HS1BP3: variants seen among roughly 807,000 people sequenced by gnomAD.
HS1BP3 encodes the protein HCLS1 binding protein 3.
HS1BP3 carries 32 observed loss-of-function variants against 33.5 expected under a neutral mutation model. The ratio of observed to expected loss-of-function variants is 0.95; its 90% confidence interval spans 0.72 to 1.28. The LOEUF (loss-of-function observed/expected upper bound fraction) is 1.28. Ranked by LOEUF, HS1BP3 falls within the 50% of genes most tolerant of loss-of-function variation. The probability of loss-of-function intolerance (pLI) is 0.00; values close to 1 mark genes in which losing one functional copy is unlikely to be tolerated. For missense variants in HS1BP3, 486 were observed against 502.3 expected (o/e 0.97, Z 0.31); for synonymous variants, 187 against 209.2 (o/e 0.89, Z 0.92).
chr2:20,644,522 C>T (rs182001251), intron 2 of HS1BP3, among the ~76,000 whole-genome samples: 1 of 152,214 alleles, frequency 6.6e-6, no homozygotes, highest in African/African-American at 2.4e-5. Flanking sequence ...CCACATGCCC[C>T]CTAGGTCTGC....
chr2:20,631,335 G>A (rs571574193), intron 4 of HS1BP3, among the ~76,000 whole-genome samples: 1 of 151,900 alleles, frequency 6.6e-6, no homozygotes, highest in African/African-American at 2.4e-5. Context: ...GCAACATAGT[G>A]AAACCTCATC....
chr2:20,578,518 C>T (rs574739488), intron 5 of HS1BP3, among the ~76,000 whole-genome samples: 1 of 152,344 alleles, frequency 6.6e-6, no homozygotes, highest in Admixed American at 6.5e-5. Flanking sequence ...CAGGCAGCCC[C>T]ACACACCACC....
chr2:20,627,653 G>A (rs1202159965), intron 4 of HS1BP3, among the ~76,000 whole-genome samples: 3 of 152,130 alleles, frequency 2.0e-5, no homozygotes, highest in Admixed American at 6.5e-5. Context: ...TACAGCACAC[G>A]CGGGCGGCTC....
chr2:20,583,857 T>A (rs1693618611), intron 5 of HS1BP3, among the ~76,000 whole-genome samples: 1 of 152,152 alleles, frequency 6.6e-6, no homozygotes, highest in Non-Finnish European at 1.5e-5. Context: ...TGAGATCACC[T>A]GGAAGGAAGG....
intron 3 of HS1BP3, among the ~76,000 whole-genome samples, chr2:20,596,760 TTCC>T (rs1288533046): frequency 6.6e-6 from 1 of 152,214 alleles, no homozygotes; most frequent in Non-Finnish European, 1.5e-5. Context: ...CATCACAGCC[TTCC>T]TCCTGCTGTG....
At chr2:20,565,654 G>C (rs945221066) in intron 5 of HS1BP3, among the ~76,000 whole-genome samples, 1 of 152,242 alleles carries the variant, frequency 6.6e-6, no homozygotes, top group East Asian at 1.9e-4. Flanking sequence ...ACTAGGGTAC[G>C]TCTAATAACA....
intron 4 of HS1BP3, among the ~76,000 whole-genome samples, chr2:20,626,711 CCTCCTCTGCTGTGCA>C (rs1694797280): frequency 1.3e-5 from 2 of 152,130 alleles, no homozygotes; most frequent in African/African-American, 4.8e-5. Context: ...CCATGAGGGA[CCTCCTCTGCTGTGCA>C]CCACCCTCAG....
intron 5 of HS1BP3, among the ~76,000 whole-genome samples, chr2:20,577,307 C>A (rs1693424126): frequency 6.6e-6 from 1 of 152,024 alleles, no homozygotes; most frequent in Non-Finnish European, 1.5e-5. Flanking sequence ...AGGTTCAGTC[C>A]CAGCCCAAAC....
chr2:20,559,891 T>G (rs10174763), downstream of HS1BP3, among the ~76,000 whole-genome samples: 7,147 of 152,280 alleles, frequency 0.047, 567 homozygotes, highest in African/African-American at 0.16. Flanking sequence ...ACTTGCGATT[T>G]TTATGCTGTG....
chr2:20,635,757 A>G (rs1695105310), intron 4 of HS1BP3: 1 of 152,296 alleles, frequency 6.6e-6, no homozygotes, highest in Non-Finnish European at 1.5e-5. Context: ...GGACGGGGTC[A>G]GAAGAGAGCC....
chr2:20,567,574 G>A (rs1012366913), intron 5 of HS1BP3, among the ~76,000 whole-genome samples: 1 of 152,200 alleles, frequency 6.6e-6, no homozygotes, highest in African/African-American at 2.4e-5. Context: ...CTTCCTCACT[G>A]GCATAAAGAC....
chr2:20,628,115 T>C (rs1004939698), intron 4 of HS1BP3, among the ~76,000 whole-genome samples: 2 of 152,206 alleles, frequency 1.3e-5, no homozygotes, highest in African/African-American at 4.8e-5. Context: ...CCACTGGGCT[T>C]GCCACCAGGC....
chr2:20,620,433 C>T (rs921428842), intron 6 of HS1BP3, among the ~76,000 whole-genome samples: 23 of 152,316 alleles, frequency 1.5e-4, no homozygotes, highest in Admixed American at 7.8e-4. Context: ...GGCATCTCTA[C>T]GTCTATCGCT....
At chr2:20,566,400 G>A (rs1693128916) in intron 5 of HS1BP3, among the ~76,000 whole-genome samples, 1 of 152,208 alleles carries the variant, frequency 6.6e-6, no homozygotes, top group African/African-American at 2.4e-5. Context: ...TTCTGCCCCA[G>A]TGGCCTGAGC....
intron 6 of HS1BP3, among the ~76,000 whole-genome samples, chr2:20,619,796 C>T (rs1196721117): frequency 6.6e-6 from 1 of 152,246 alleles, no homozygotes; most frequent in Non-Finnish European, 1.5e-5. Flanking sequence ...CCCTTAGAAG[C>T]TGAGCCCTCA....
intron 5 of HS1BP3, among the ~76,000 whole-genome samples, chr2:20,564,977 G>A (rs1160150144): frequency 2.0e-5 from 3 of 152,206 alleles, no homozygotes; most frequent in Non-Finnish European, 4.4e-5. Context: ...TCGTGCTGCA[G>A]GCTCTGCCCT....
intron 5 of HS1BP3, among the ~76,000 whole-genome samples, chr2:20,563,400 A>T (rs1406791050): frequency 6.6e-6 from 1 of 151,588 alleles, no homozygotes; most frequent in Admixed American, 6.6e-5. Flanking sequence ...GGGAGGAGGG[A>T]CTCCTCAGGT....
chr2:20,601,806 T>G (rs1164723788), intron 2 of HS1BP3, among the ~76,000 whole-genome samples: 1 of 109,476 alleles, frequency 9.1e-6, no homozygotes, highest in African/African-American at 3.2e-5. Context: ...TGAGACGGAG[T>G]CTTGCTCTGT....
At chr2:20,597,769 G>T (rs1693976505) in intron 3 of HS1BP3, among the ~76,000 whole-genome samples, 1 of 152,224 alleles carries the variant, frequency 6.6e-6, no homozygotes, top group African/African-American at 2.4e-5. Flanking sequence ...TGAGATCATA[G>T]ATGGTTCTCA....
Sources: gnomAD v4.1 joint callset for allele counts (sites outside exome capture counted in the v4.1 genomes callset) on GRCh38, gnomAD v4.1.1 for gene constraint, MANE v1.5 for transcripts, NCBI Gene and HGNC (gene_info 2026-07-23, HGNC 2026-07-21) for gene names.